The following SLIT3 variants were observed in gnomAD, a reference collection of about 807,000 sequenced individuals.
The protein encoded by SLIT3 is slit guidance ligand 3.
In SLIT3, 68 loss-of-function variants were observed where a neutral mutation model predicts 184.0. The observed-to-expected ratio is 0.37, with a 90% CI of 0.30 to 0.45. The LOEUF (loss-of-function observed/expected upper bound fraction) is 0.45. SLIT3 is among the 20% of genes least tolerant of loss of function. The pLI is 1.00. For synonymous variants in SLIT3, 831 were observed against 828.6 expected (o/e 1.00, Z -0.05); for missense variants, 1,707 against 2,026.0 (o/e 0.84, Z 3.02).
chr5:169,219,985 G>A (rs560656727), intron 3 of SLIT3, among the ~76,000 whole-genome samples: 76 of 152,168 alleles, frequency 5.0e-4, no homozygotes, highest in South Asian at 6.2e-4. Context: ...GCTACATGCC[G>A]GTGTCTTCAG....
rs1381602196 is a variant in SLIT3 at position 168,746,436 on chromosome 5, TG to T, written c.2270+1865del. On this transcript the variant is annotated intron_variant, in intron 20 of 35. Transcript: ENST00000519560. ...AGTGTGTGAGTGTGGTGGTGTGTGG[TG>T]GTGTGGGTGTGGCAGTGTGTGGTGG... Among the ~76,000 whole-genome samples, 452 of 100,088 alleles carry T rather than the reference TG, an allele frequency of 4.5e-3. 9 individuals carry two copies. Among genetic ancestry groups the T allele is most frequent in the Non-Finnish European group, 4.7e-3 (234 of 49,884 alleles). 65.7% of individuals were successfully genotyped at this position (100,088 alleles called of 152,430 possible). A position where few individuals can be genotyped will look rare whatever the true frequency, so the allele number is the denominator to read the frequency against.
chr5:168,856,872 T>C (rs75617348), intron 5 of SLIT3, among the ~76,000 whole-genome samples: 12,660 of 150,624 alleles, frequency 0.084, 1,517 homozygotes, highest in African/African-American at 0.27. Flanking sequence ...GCCAGGCTGT[T>C]ACCCTCACTC....
At chr5:168,804,436 T>A (rs895067999) in intron 9 of SLIT3, among the ~76,000 whole-genome samples, 1 of 149,820 alleles carries the variant, frequency 6.7e-6, no homozygotes, top group African/African-American at 2.5e-5. Context: ...TTAGATAGTA[T>A]GTTGGAAGGC....
chr5:168,722,380 A>G (rs1029387972), intron 22 of SLIT3, 53 bp from the exon 23 acceptor site: 3 of 1,464,394 alleles, frequency 2.0e-6, no homozygotes, highest in Non-Finnish European at 1.9e-6. Context: ...TCTACCATGC[A>G]TAGGTGCACT....
chr5:168,774,398 T>G lies in SLIT3; in HGVS notation c.1152-20A>C. On this transcript the variant is annotated intron_variant, in intron 12 of 35. Transcript: ENST00000519560. The stretch of plus-strand genomic sequence containing the variant: ...AGGAGGCTGCAAACAGAAGAGAGCC[T>G]GGTTGATTCACTAATCCTGGTAATT... 6.3e-7 allele frequency: 1 copy of G among 1,599,270 alleles called. No individual in the cohort carries two copies. The highest frequency in any genetic ancestry group is 8.5e-7 in the Non-Finnish European group (1 of 1,173,254).
chr5:168,687,198 TG>T, intron 29 of SLIT3, 82 bp from the exon 30 acceptor site: 1 of 1,522,298 alleles, frequency 6.6e-7, no homozygotes. Flanking sequence ...CCTCAGCAGG[TG>T]GCCTCTCCCC....
At chr5:168,719,420 T>G (rs867018376) in intron 23 of SLIT3, among the ~76,000 whole-genome samples, 1 of 152,226 alleles carries the variant, frequency 6.6e-6, no homozygotes, top group Non-Finnish European at 1.5e-5. Flanking sequence ...ACTATCACAA[T>G]TTTTTTCATT....
At position 168,932,259 on chromosome 5, in the gene SLIT3, T is replaced by TTTG. The variant is rs372274375; in HGVS notation, c.414-48924_414-48923insCAA. On this transcript the variant is annotated intron_variant, in intron 4 of 35. Transcript: ENST00000519560. ...ACACAGTTTTTTTGTTGTTGTTGTG[T>TTTG]TTTTTTTTTTTTTTTGGTACAAGGC... 3.4e-3 allele frequency among the ~76,000 whole-genome samples: 381 copies of TTTG among 112,932 alleles called. 26 individuals carry two copies. Among genetic ancestry groups the TTTG allele is most frequent in the African/African-American group, 0.011 (280 of 24,612 alleles). 74.1% of individuals were successfully genotyped at this position (112,932 alleles called of 152,430 possible).
chr5:168,962,617 G>C (rs1469376241), intron 4 of SLIT3, among the ~76,000 whole-genome samples: 2 of 152,044 alleles, frequency 1.3e-5, no homozygotes, highest in Non-Finnish European at 2.9e-5. Flanking sequence ...CAAAGGAAAG[G>C]TCATTATCCA....
chr5:168,808,273 C>A (rs1323212504), intron 8 of SLIT3, among the ~76,000 whole-genome samples: 13 of 151,958 alleles, frequency 8.6e-5, no homozygotes, highest in Admixed American at 8.5e-4. Flanking sequence ...CTTTATACTT[C>A]TGAGAAAGTG....
intron 4 of SLIT3, among the ~76,000 whole-genome samples, chr5:168,977,687 T>A (rs1317839026): frequency 6.6e-6 from 1 of 152,190 alleles, no homozygotes; most frequent in East Asian, 1.9e-4. Context: ...CAAGCCTTGT[T>A]TTTCAACCTT....
At chr5:169,073,998 A>G (rs534713153) in intron 4 of SLIT3, among the ~76,000 whole-genome samples, 7 of 152,324 alleles carry the variant, frequency 4.6e-5, no homozygotes, top group African/African-American at 1.7e-4. Flanking sequence ...AATCAGACAG[A>G]ATAGTACCGC....
At chr5:169,033,519 C>T (rs1220539347) in intron 4 of SLIT3, among the ~76,000 whole-genome samples, 1 of 152,126 alleles carries the variant, frequency 6.6e-6, no homozygotes, top group African/African-American at 2.4e-5. Context: ...AATATCCATA[C>T]TATTTTACAT....
chr5:168,841,437 G>A (rs867840561), intron 6 of SLIT3, among the ~76,000 whole-genome samples: 10 of 152,062 alleles, frequency 6.6e-5, no homozygotes, highest in African/African-American at 1.9e-4. Context: ...TTTCGCCCCC[G>A]ATACTATGCT....
chr5:169,148,298 G>T (rs1761997873), intron 4 of SLIT3, among the ~76,000 whole-genome samples: 1 of 152,186 alleles, frequency 6.6e-6, no homozygotes, highest in Non-Finnish European at 1.5e-5. Flanking sequence ...TTTGCAAAAT[G>T]CTCCAACTAT....
intron 1 of SLIT3, among the ~76,000 whole-genome samples, chr5:169,281,875 T>TTC (rs1554114372): frequency 1.3e-5 from 2 of 151,950 alleles, no homozygotes; most frequent in Non-Finnish European, 2.9e-5. Context: ...GAGGTAATTT[T>TTC]CCCCCCCAGG....
intron 4 of SLIT3, among the ~76,000 whole-genome samples, chr5:168,956,254 C>A (rs1052347606): frequency 6.6e-6 from 1 of 152,126 alleles, no homozygotes; most frequent in East Asian, 1.9e-4. Flanking sequence ...TCTTCAAAAC[C>A]AGCCCGTTAT....
At chr5:169,225,403 C>T (rs949061280) in intron 3 of SLIT3, among the ~76,000 whole-genome samples, 4 of 152,352 alleles carry the variant, frequency 2.6e-5, no homozygotes, top group Admixed American at 2.0e-4. Flanking sequence ...TCTCTCAGTG[C>T]TCTGACTGGG....
chr5:168,962,349 C>CG (rs149382860), intron 4 of SLIT3, among the ~76,000 whole-genome samples: 87 of 152,038 alleles, frequency 5.7e-4, no homozygotes, highest in African/African-American at 2.1e-3. Flanking sequence ...CACACACACA[C>CG]AGTGGTACCC....
Sources: allele counts gnomAD v4.1 joint callset (sites outside exome capture counted in the v4.1 genomes callset), GRCh38; gene constraint gnomAD v4.1.1; transcripts MANE v1.5; gene names NCBI Gene and HGNC (gene_info 2026-07-23, HGNC 2026-07-21).